Variants in ALDH1A2 observed in about 807,000 individuals in gnomAD.
The protein encoded by ALDH1A2 is aldehyde dehydrogenase 1 family member A2.
ALDH1A2 carries 27 observed loss-of-function variants against 60.3 expected under a neutral mutation model. That is an observed-to-expected ratio of 0.45 (90% confidence interval 0.33 to 0.62). The LOEUF is 0.62. ALDH1A2 is among the 20% of genes least tolerant of loss of function. The pLI, the probability that ALDH1A2 is intolerant of heterozygous loss-of-function variation, is 0.02. For synonymous variants in ALDH1A2, 289 were observed against 232.4 expected (o/e 1.24, Z -2.21); for missense variants, 581 against 643.8 (o/e 0.90, Z 1.06).
intron 1 of ALDH1A2, among the ~76,000 whole-genome samples, chr15:58,048,646 T>C (rs1375525000): frequency 6.6e-6 from 1 of 152,008 alleles, no homozygotes; most frequent in Non-Finnish European, 1.5e-5. Context: ...TGACCTATGA[T>C]GCAGACCTAG....
chr15:58,024,786 T>A (rs578058261), intron 1 of ALDH1A2, among the ~76,000 whole-genome samples: 35 of 152,316 alleles, frequency 2.3e-4, no homozygotes, highest in Admixed American at 1.4e-3. Context: ...ACAGACCATA[T>A]GTTGGACCAC....
intron 4 of ALDH1A2, among the ~76,000 whole-genome samples, chr15:58,008,866 G>A (rs1373191400): frequency 6.6e-6 from 1 of 152,042 alleles, no homozygotes; most frequent in African/African-American, 2.4e-5. Context: ...ATAACGAATA[G>A]TGACTTTCTA....
intron 1 of ALDH1A2, among the ~76,000 whole-genome samples, chr15:58,047,828 GA>G (rs1368958905): frequency 1.3e-5 from 2 of 151,686 alleles, no homozygotes; most frequent in Admixed American, 6.6e-5. Flanking sequence ...GCTAAAAAGT[GA>G]AAAAAACACC....
intron 12 of ALDH1A2, among the ~76,000 whole-genome samples, chr15:57,959,899 A>G (rs1893664760): frequency 6.6e-6 from 1 of 152,002 alleles, no homozygotes; most frequent in Non-Finnish European, 1.5e-5. Flanking sequence ...TCTCCCACAA[A>G]CACACACTAC....
chr15:58,052,940 T>G (rs771814779), intron 1 of ALDH1A2, among the ~76,000 whole-genome samples: 3 of 152,194 alleles, frequency 2.0e-5, no homozygotes, highest in Non-Finnish European at 4.4e-5. Flanking sequence ...TACCTTGGAA[T>G]TCACTTTCTA....
At chr15:58,026,300 C>A (rs574596476) in intron 1 of ALDH1A2, among the ~76,000 whole-genome samples, 1 of 152,250 alleles carries the variant, frequency 6.6e-6, no homozygotes, top group East Asian at 1.9e-4. Context: ...ACATGATACA[C>A]TGAAAATCTA....
chr15:57,995,142 G>A lies in ALDH1A2; in HGVS notation c.494-3C>T. On this transcript the variant is annotated splice_polypyrimidine_tract_variant and splice_region_variant and intron_variant, in intron 4 of 12. Coordinates refer to ENST00000249750, the MANE Select transcript of ALDH1A2 (RefSeq NM_003888.4). ...TGTAAAGGTAAAATAGTCTCCATCT[G>A]AAAGAAAAAAGCATGGTCACTCCCA... 2.1e-6 allele frequency: 3 copies of A among 1,437,206 alleles called. No individual in the cohort carries two copies. The highest frequency in any genetic ancestry group is 2.8e-6 in the Non-Finnish European group (3 of 1,082,944). 89.0% of individuals were successfully genotyped at this position (1,437,206 alleles called of 1,614,324 possible). A position where few individuals can be genotyped will look rare whatever the true frequency, so the allele number is the denominator to read the frequency against.
intron 4 of ALDH1A2, among the ~76,000 whole-genome samples, chr15:58,008,622 T>C (rs1895534687): frequency 6.6e-6 from 1 of 152,138 alleles, no homozygotes; most frequent in African/African-American, 2.4e-5. Context: ...TTTCACAATC[T>C]TCCTCAGAGC....
chr15:57,967,170 ATTTT>A (rs34306826), intron 7 of ALDH1A2, among the ~76,000 whole-genome samples: 1 of 141,698 alleles, frequency 7.1e-6, no homozygotes, highest in Non-Finnish European at 1.5e-5. Context: ...GACTGCCTGG[ATTTT>A]TTTTTTTTTT....
chr15:58,050,641 T>C (rs1231905474), intron 1 of ALDH1A2, among the ~76,000 whole-genome samples: 1 of 152,160 alleles, frequency 6.6e-6, no homozygotes, highest in Non-Finnish European at 1.5e-5. Context: ...GCAAAGTACT[T>C]CATCAACCGG....
chr15:58,053,980 C>T (rs1391818890), intron 1 of ALDH1A2, among the ~76,000 whole-genome samples: 1 of 152,108 alleles, frequency 6.6e-6, no homozygotes, highest in African/African-American at 2.4e-5. Flanking sequence ...GTATATGTCG[C>T]CAATTCAATC....
chr15:58,006,373 C>A (rs1248711366), intron 4 of ALDH1A2, among the ~76,000 whole-genome samples: 1 of 151,990 alleles, frequency 6.6e-6, no homozygotes, highest in Non-Finnish European at 1.5e-5. Context: ...GAGTAGTATT[C>A]CATGGTGCAT....
intron 4 of ALDH1A2, among the ~76,000 whole-genome samples, chr15:58,005,267 G>C (rs1895410688): frequency 6.6e-6 from 1 of 151,930 alleles, no homozygotes; most frequent in African/African-American, 2.4e-5. Flanking sequence ...TTAATACTAG[G>C]AGATGTCTCT....
At chr15:57,980,299 G>A (rs1173829675) in intron 7 of ALDH1A2, 5 of 415,196 alleles carry the variant, frequency 1.2e-5, no homozygotes, top group African/African-American at 4.1e-5. Context: ...TGTGCCTCAT[G>A]TTCCCACTCT....
chr15:58,035,591 TC>T (rs1307668300), intron 1 of ALDH1A2, among the ~76,000 whole-genome samples: 11 of 151,832 alleles, frequency 7.2e-5, no homozygotes, highest in African/African-American at 1.2e-4. Context: ...TTTAGCAGCA[TC>T]CCACAAATTT....
Position 57,954,453 on chromosome 15 carries a change from C to G in ALDH1A2, c.*744G>C, listed in dbSNP as rs1211994747. The G allele has an allele frequency of 6.5e-6, 1 of 153,178 alleles. No homozygotes were observed. Among genetic ancestry groups the G allele is most frequent in the African/African-American group, 2.4e-5 (1 of 41,446 alleles). The allele number at this position is 153,178 out of a possible 1,614,324, so 9.5% of individuals were successfully genotyped here. The stretch of plus-strand genomic sequence containing the variant: ...AATAACTGAGAAGGAATCTAATACA[C>G]ACACACCCCAAAACTGCAGCAAGCT... On this transcript the variant is annotated 3_prime_UTR_variant, in exon 13 of 13. Coordinates refer to ENST00000249750, the MANE Select transcript of ALDH1A2 (RefSeq NM_003888.4).
At chr15:58,052,275 T>C (rs930839885) in intron 1 of ALDH1A2, among the ~76,000 whole-genome samples, 1 of 152,130 alleles carries the variant, frequency 6.6e-6, no homozygotes, top group Non-Finnish European at 1.5e-5. Flanking sequence ...CAGTTCAGTA[T>C]TGTCTTTCAG....
chr15:57,961,292 G>T lies in ALDH1A2; in HGVS notation c.1254C>A (p.Ile418=), dbSNP rs35251510. 4,862 of 1,613,738 alleles carry T rather than the reference G, an allele frequency of 3.0e-3. 75 individuals carry two copies. In the East Asian group the frequency reaches 0.031, roughly 10 times the overall value. Reference sequence around the variant, plus strand: ...TCAAAATTTCCTGAACAGGGCCAAAGATCTGCAAAAAGATAATATGACTCA... The same window carrying T: ...TCAAAATTTCCTGAACAGGGCCAAATATCTGCAAAAAGATAATATGACTCA... ...TDDMRIAKEE[I]FGPVQEILRF... The change falls in exon 11 of 13, where the codon ATC becomes ATA. Residue 418 remains isoleucine, a splice_region_variant and synonymous_variant. Coordinates refer to ENST00000249750, the MANE Select transcript of ALDH1A2 (RefSeq NM_003888.4).
intron 12 of ALDH1A2, among the ~76,000 whole-genome samples, chr15:57,957,855 G>A (rs945535694): frequency 1.3e-5 from 2 of 152,082 alleles, no homozygotes; most frequent in Non-Finnish European, 2.9e-5. Flanking sequence ...ATTTTTCAGA[G>A]CGGAGTAAAG....
Sources: gnomAD v4.1 joint callset for allele counts (sites outside exome capture counted in the v4.1 genomes callset) on GRCh38, gnomAD v4.1.1 for gene constraint, MANE v1.5 for transcripts, NCBI Gene and HGNC (gene_info 2026-07-23, HGNC 2026-07-21) for gene names.